Variants in PTK2 observed in about 807,000 individuals in gnomAD.
PTK2 encodes the protein focal adhesion kinase 1.
Under a neutral mutation model 150.1 loss-of-function variants are expected in PTK2, and 45 were observed. That is an observed-to-expected ratio of 0.30 (90% confidence interval 0.24 to 0.38). The LOEUF is 0.38. PTK2 is among the 10% of genes least tolerant of loss of function. PTK2 has a pLI of 1.00. For missense variants in PTK2, 919 were observed against 1,307.3 expected (o/e 0.70, Z 4.58); for synonymous variants, 432 against 449.2 (o/e 0.96, Z 0.48).
chr8:140,888,350 C>A (rs1253647369), intron 3 of PTK2, among the ~76,000 whole-genome samples: 1 of 152,182 alleles, frequency 6.6e-6, no homozygotes, highest in East Asian at 1.9e-4. Flanking sequence ...AATATCCAAT[C>A]TTCCATTACA....
At chr8:140,890,145 G>A (rs1241358438) in intron 3 of PTK2, among the ~76,000 whole-genome samples, 1 of 151,980 alleles carries the variant, frequency 6.6e-6, no homozygotes, top group Non-Finnish European at 1.5e-5. Flanking sequence ...AGTTTTAAAG[G>A]AAATTATCCT....
chr8:140,977,950 G>A (rs557077003), intron 1 of PTK2, among the ~76,000 whole-genome samples: 29 of 152,108 alleles, frequency 1.9e-4, no homozygotes, highest in African/African-American at 5.8e-4. Context: ...AAATAATGCC[G>A]CATGCATATC....
In PTK2 at chr8:140,879,656, A is replaced by C; in HGVS notation, c.196-19T>G. ...TGATGCCCTAAAACATACCCCCCACAAGAATGACTGTTATAAACTGAAAAA... is the reference window on the plus strand; with the variant it reads ...TGATGCCCTAAAACATACCCCCCACCAGAATGACTGTTATAAACTGAAAAA... On this transcript the variant is annotated intron_variant, in intron 3 of 31. Transcript: ENST00000522684. 1 of 1,026,154 alleles carries C rather than the reference A, an allele frequency of 9.7e-7. No homozygotes were observed. The highest frequency in any genetic ancestry group is 1.4e-6 in the Non-Finnish European group (1 of 734,016). 63.6% of individuals were successfully genotyped at this position (1,026,154 alleles called of 1,614,324 possible).
intron 1 of PTK2, among the ~76,000 whole-genome samples, chr8:140,961,581 G>C (rs779996272): frequency 2.6e-5 from 4 of 151,854 alleles, no homozygotes; most frequent in Non-Finnish European, 5.9e-5. Flanking sequence ...AGAATGGCGT[G>C]AACCTGGGAG....
intron 23 of PTK2, among the ~76,000 whole-genome samples, chr8:140,712,229 A>G (rs948892522): frequency 4.6e-5 from 7 of 151,726 alleles, no homozygotes; most frequent in African/African-American, 1.7e-4. Context: ...AAAACCAAAC[A>G]AACCAAACTG....
chr8:140,902,926 T>G (rs1299968816), intron 2 of PTK2, among the ~76,000 whole-genome samples: 19 of 30,338 alleles, frequency 6.3e-4, no homozygotes, highest in South Asian at 1.8e-3. Flanking sequence ...TGAGAGTTGT[T>G]TTTTTTTTTT....
intron 1 of PTK2, among the ~76,000 whole-genome samples, chr8:140,945,856 C>T (rs1251629910): frequency 6.6e-6 from 1 of 152,208 alleles, no homozygotes; most frequent in Non-Finnish European, 1.5e-5. Context: ...ACCTAGAATG[C>T]TCTTCCTCAA....
chr8:140,668,378 C>G, exon 30 of PTK2: 4 of 1,613,854 alleles, frequency 2.5e-6, no homozygotes, highest in Non-Finnish European at 3.4e-6. Flanking sequence ...ATCATTCGAC[C>G]GGTCCAGGTT....
chr8:140,989,999 G>A (rs541373879), intron 1 of PTK2, among the ~76,000 whole-genome samples: 1 of 152,144 alleles, frequency 6.6e-6, no homozygotes, highest in South Asian at 2.1e-4. Context: ...CATCAAAAGG[G>A]GTGCAGAGGG....
chr8:140,928,957 A>ATTTTTTTT (rs34658967), intron 1 of PTK2, among the ~76,000 whole-genome samples: 13 of 92,232 alleles, frequency 1.4e-4, no homozygotes, highest in East Asian at 3.8e-4. Context: ...TTTTATCACA[A>ATTTTTTTT]TTTTTTTTTT....
intron 2 of PTK2, among the ~76,000 whole-genome samples, chr8:140,895,087 A>G (rs553225504): frequency 6.6e-6 from 1 of 152,358 alleles, no homozygotes; most frequent in East Asian, 1.9e-4. Flanking sequence ...CAAAATAACT[A>G]GAAAATGTTC....
intron 5 of PTK2, among the ~76,000 whole-genome samples, chr8:140,857,788 T>G (rs369030081): frequency 1.3e-5 from 2 of 152,164 alleles, no homozygotes; most frequent in African/African-American, 4.8e-5. Flanking sequence ...CTCCATTTGG[T>G]AGTAACTTGT....
intron 17 of PTK2, 129 bp downstream of exon 20, chr8:140,752,103 C>T: frequency 1.2e-6 from 1 of 810,190 alleles, no homozygotes. Flanking sequence ...CATTAATTTG[C>T]AAGGCAAAAT....
At chr8:140,843,588 C>G (rs984108226) in intron 7 of PTK2, among the ~76,000 whole-genome samples, 1 of 152,164 alleles carries the variant, frequency 6.6e-6, no homozygotes, top group Non-Finnish European at 1.5e-5. Flanking sequence ...CTCAGCCAGG[C>G]CACTCAACTA....
At chr8:140,746,714 A>T (rs1001478036) in intron 18 of PTK2, 46 bp downstream of exon 21, 3 of 1,410,586 alleles carry the variant, frequency 2.1e-6, no homozygotes, top group South Asian at 1.2e-5. Context: ...TAAGCAAAAG[A>T]TATCAAACGC....
At chr8:140,908,992 G>A (rs2100162047) in intron 2 of PTK2, 1 of 152,276 alleles carries the variant, frequency 6.6e-6, no homozygotes, top group Non-Finnish European at 1.5e-5. Context: ...AGGAGTTTGA[G>A]ACCAGCCTGG....
At chr8:140,724,667 G>C (rs2100044777) in intron 22 of PTK2, among the ~76,000 whole-genome samples, 1 of 152,308 alleles carries the variant, frequency 6.6e-6, no homozygotes, top group South Asian at 2.1e-4. Context: ...AAAAAGTCAA[G>C]CGGGAACTGG....
At chr8:140,686,496 C>A in intron 27 of PTK2, 136 bp downstream of exon 30, 1 of 800,996 alleles carries the variant, frequency 1.2e-6, no homozygotes, top group South Asian at 1.7e-5. Context: ...TTTTCATAAT[C>A]TTAAAATGTT....
At chr8:140,787,531 T>C (rs2100085658) in intron 14 of PTK2, among the ~76,000 whole-genome samples, 1 of 152,078 alleles carries the variant, frequency 6.6e-6, no homozygotes, top group South Asian at 2.1e-4. Context: ...AGAAGTAAAA[T>C]CCAAGTTTGG....
Sources: allele counts gnomAD v4.1 joint callset (sites outside exome capture counted in the v4.1 genomes callset), GRCh38; gene constraint gnomAD v4.1.1; transcripts MANE v1.5; gene names NCBI Gene and HGNC (gene_info 2026-07-23, HGNC 2026-07-21).